Variants in MCU observed in about 807,000 individuals in gnomAD.
The protein encoded by MCU is calcium uniporter protein, mitochondrial.
In MCU, 12 loss-of-function variants were observed where a neutral mutation model predicts 45.2. The observed-to-expected ratio is 0.27, with a 90% CI of 0.17 to 0.43. The LOEUF is 0.43. Ranked by LOEUF, MCU falls within the 20% of genes least tolerant of loss-of-function variation. The probability of loss-of-function intolerance (pLI) is 1.00; values close to 1 mark genes in which losing one functional copy is unlikely to be tolerated. For missense variants in MCU, 324 were observed against 436.7 expected (o/e 0.74, Z 2.30); for synonymous variants, 160 against 165.1 (o/e 0.97, Z 0.24).
intron 1 of MCU, among the ~76,000 whole-genome samples, chr10:72,788,064 A>G (rs1844102553): frequency 6.6e-6 from 1 of 152,222 alleles, no homozygotes; most frequent in Non-Finnish European, 1.5e-5. Flanking sequence ...TGTGTACGTG[A>G]TAGGCAATGA....
chr10:72,818,391 T>A (rs902570596), intron 1 of MCU, among the ~76,000 whole-genome samples: 1 of 152,226 alleles, frequency 6.6e-6, no homozygotes, highest in Non-Finnish European at 1.5e-5. Context: ...CCTTCTTGAC[T>A]TCTATGATTT....
intron 1 of MCU, among the ~76,000 whole-genome samples, chr10:72,786,197 A>G (rs934373086): frequency 3.3e-5 from 5 of 152,108 alleles, no homozygotes; most frequent in Admixed American, 2.6e-4. Flanking sequence ...AATTCTGGCT[A>G]GTTTGTTTTT....
At chr10:72,804,155 T>C (rs959623611) in intron 1 of MCU, among the ~76,000 whole-genome samples, 13 of 147,756 alleles carry the variant, frequency 8.8e-5, no homozygotes, top group African/African-American at 3.2e-4. Context: ...GGCACAGTCT[T>C]GGCTCACTGC....
intron 1 of MCU, among the ~76,000 whole-genome samples, chr10:72,792,030 T>A (rs946230013): frequency 6.6e-6 from 1 of 152,174 alleles, no homozygotes; most frequent in Non-Finnish European, 1.5e-5. Context: ...AGTATCTCCA[T>A]GTGAATATGA....
At chr10:72,732,979 TAATATTAAATGGAAGAA>T (rs907118709) in intron 1 of MCU, among the ~76,000 whole-genome samples, 2 of 152,216 alleles carry the variant, frequency 1.3e-5, no homozygotes, top group African/African-American at 2.4e-5. Context: ...TATGCCAGAT[TAATATTAAATGGAAGAA>T]AATAATAGTG....
At chr10:72,880,573 A>G (rs1448776442) in intron 6 of MCU, among the ~76,000 whole-genome samples, 3 of 152,232 alleles carry the variant, frequency 2.0e-5, no homozygotes, top group Non-Finnish European at 4.4e-5. Flanking sequence ...TAGATTCAGT[A>G]CAATCCCAGT....
At chr10:72,810,627 C>T (rs1844528039) in intron 1 of MCU, among the ~76,000 whole-genome samples, 1 of 132,910 alleles carries the variant, frequency 7.5e-6, no homozygotes, top group South Asian at 2.5e-4. Context: ...GCCACCACGC[C>T]CAGCTAGGTT....
intron 6 of MCU, among the ~76,000 whole-genome samples, chr10:72,876,693 A>G (rs1050391090): frequency 6.6e-6 from 1 of 152,170 alleles, no homozygotes; most frequent in Non-Finnish European, 1.5e-5. Context: ...TGTAAATGCA[A>G]CTGTATCTGT....
chr10:72,852,936 T>C (rs1236519671), intron 2 of MCU, among the ~76,000 whole-genome samples: 1 of 152,204 alleles, frequency 6.6e-6, no homozygotes, highest in African/African-American at 2.4e-5. Context: ...GAACATTTGG[T>C]AGACATTCTC....
intron 1 of MCU, among the ~76,000 whole-genome samples, chr10:72,816,754 C>T (rs971214431): frequency 6.6e-6 from 1 of 152,178 alleles, no homozygotes; most frequent in Non-Finnish European, 1.5e-5. Flanking sequence ...GAGACGTTAT[C>T]TCAGAACAAA....
chr10:72,885,929 C>T lies in MCU; in HGVS notation c.*107C>T, dbSNP rs1845768694. 2.6e-6 allele frequency: 2 copies of T among 778,118 alleles called. No homozygotes were observed. Among genetic ancestry groups the T allele is most frequent in the Admixed American group, 5.1e-5 (2 of 38,968 alleles). The allele number at this position is 778,118 out of a possible 1,614,324, so 48.2% of individuals were successfully genotyped here. A position where few individuals can be genotyped will look rare whatever the true frequency, so the allele number is the denominator to read the frequency against. On this transcript the variant is annotated 3_prime_UTR_variant, in exon 8 of 8. Coordinates refer to ENST00000373053, the MANE Select transcript of MCU (RefSeq NM_138357.3). Reference sequence around the variant, plus strand: ...CCATGTGGGGGGTAGAGCGTTTTTACCTTTAATTATAAAACAAAAACAGAA... The same window carrying T: ...CCATGTGGGGGGTAGAGCGTTTTTATCTTTAATTATAAAACAAAAACAGAA...
At chr10:72,758,712 G>A (rs762034022) in intron 1 of MCU, among the ~76,000 whole-genome samples, 2 of 152,082 alleles carry the variant, frequency 1.3e-5, no homozygotes, top group Admixed American at 6.6e-5. Context: ...TTCCCTAAAA[G>A]CAGAAATCAC....
chr10:72,879,614 C>T (rs557797756), intron 6 of MCU, among the ~76,000 whole-genome samples: 78 of 152,296 alleles, frequency 5.1e-4, no homozygotes, highest in African/African-American at 1.8e-3. Flanking sequence ...GAAAGATTAT[C>T]ACACGTGAAA....
chr10:72,794,320 C>T (rs905630864), intron 1 of MCU, among the ~76,000 whole-genome samples: 3 of 152,052 alleles, frequency 2.0e-5, no homozygotes, highest in African/African-American at 7.2e-5. Context: ...AGGGGGAAAA[C>T]GAGATTCATA....
intron 1 of MCU, among the ~76,000 whole-genome samples, chr10:72,771,556 G>A (rs776495388): frequency 6.6e-6 from 1 of 152,110 alleles, no homozygotes; most frequent in Non-Finnish European, 1.5e-5. Context: ...CATTTTTAAA[G>A]TCCACTTTGC....
rs1564532204 is a variant in MCU, at chr10:72,700,057, A to ATT, written c.150+7756_150+7757insTT. Among the ~76,000 whole-genome samples, 426 of 104,542 alleles carry ATT rather than the reference A, an allele frequency of 4.1e-3. 1 individual carries two copies. The highest frequency in any genetic ancestry group is 0.012 in the African/African-American group (398 of 33,792). The allele number at this position is 104,542 out of a possible 152,430, so 68.6% of individuals were successfully genotyped here. A position where few individuals can be genotyped will look rare whatever the true frequency, so the allele number is the denominator to read the frequency against. On this transcript the variant is annotated intron_variant, in intron 1 of 7. Transcript: ENST00000373053. ...GGTTCTAAAAAGTGGATTGGGGTCA[A>ATT]ATTTTTTTTTTTTTTTTTTGAGATG...
intron 1 of MCU, among the ~76,000 whole-genome samples, chr10:72,801,342 C>CAT (rs1280108580): frequency 6.8e-6 from 1 of 146,242 alleles, no homozygotes; most frequent in Non-Finnish European, 1.5e-5. Flanking sequence ...AGTATTAACT[C>CAT]ATAATGCTTT....
At chr10:72,872,743 T>A (rs1197080323) in intron 6 of MCU, among the ~76,000 whole-genome samples, 1 of 152,192 alleles carries the variant, frequency 6.6e-6, no homozygotes, top group African/African-American at 2.4e-5. Context: ...CAGATATAGC[T>A]TTAACATACT....
At chr10:72,769,022 T>G (rs1843768322) in intron 1 of MCU, among the ~76,000 whole-genome samples, 1 of 151,954 alleles carries the variant, frequency 6.6e-6, no homozygotes. Context: ...CAGCTAATTT[T>G]TTTTTTTTCT....
Sources: allele counts gnomAD v4.1 joint callset (sites outside exome capture counted in the v4.1 genomes callset), GRCh38; gene constraint gnomAD v4.1.1; transcripts MANE v1.5; gene names NCBI Gene and HGNC (gene_info 2026-07-23, HGNC 2026-07-21).